The following NSMCE2 variants were observed in gnomAD, a reference collection of about 807,000 sequenced individuals.
The protein encoded by NSMCE2 is E3 SUMO-protein ligase NSE2.
Under a neutral mutation model 23.8 loss-of-function variants are expected in NSMCE2, and 24 were observed. The ratio of observed to expected loss-of-function variants is 1.01; its 90% CI spans 0.73 to 1.42. The LOEUF (loss-of-function observed/expected upper bound fraction) is 1.42. Ranked by LOEUF, NSMCE2 falls within the 40% of genes most tolerant of loss-of-function variation. The probability of loss-of-function intolerance (pLI) is 0.00; values close to 1 mark genes in which losing one functional copy is unlikely to be tolerated. For missense variants in NSMCE2, 284 were observed against 296.5 expected, an observed-to-expected ratio of 0.96 and a Z score of 0.31; for synonymous variants, 92 against 94.1, an observed-to-expected ratio of 0.98 and a Z score of 0.13.
At chr8:125,297,499 C>A (rs1266212193) in intron 5 of NSMCE2, among the ~76,000 whole-genome samples, 1 of 152,150 alleles carries the variant, frequency 6.6e-6, no homozygotes, top group Non-Finnish European at 1.5e-5. Flanking sequence ...TGCTTCTCCA[C>A]ATTAGCTCTT....
chr8:125,294,146 T>C (rs545132086), intron 5 of NSMCE2, among the ~76,000 whole-genome samples: 43 of 152,348 alleles, frequency 2.8e-4, no homozygotes, highest in African/African-American at 9.6e-4. Context: ...ATTTCATTCC[T>C]TTCTAGTGCT....
At chr8:125,228,526 A>T (rs13251643) in intron 5 of NSMCE2, among the ~76,000 whole-genome samples, 4,403 of 152,348 alleles carry the variant, frequency 0.029, 110 homozygotes, top group Non-Finnish European at 0.047. Flanking sequence ...GACTTCCTGG[A>T]AGAGCTGACA....
chr8:125,109,978 T>G lies in NSMCE2; in HGVS notation c.157+7491T>G, dbSNP rs571996304. 1.2e-4 allele frequency among the ~76,000 whole-genome samples: 18 copies of G among 152,312 alleles called. No individual in the cohort carries two copies. In the South Asian group the frequency reaches 3.5e-3, roughly 30 times the overall value. On this transcript the variant is annotated intron_variant, in intron 3 of 7. Coordinates refer to ENST00000287437, the MANE Select transcript of NSMCE2 (RefSeq NM_173685.4). ...GGTTTTTGAGTTTATTATGTACTTT[T>G]CTGCCATCTTACACAGAATATACTG... is the stretch of plus-strand genomic sequence containing the variant.
chr8:125,181,155 G>A (rs1822786239), intron 4 of NSMCE2, among the ~76,000 whole-genome samples: 1 of 152,058 alleles, frequency 6.6e-6, no homozygotes, highest in Non-Finnish European at 1.5e-5. Context: ...GACTATAGTG[G>A]CTAAAGCTGG....
At chr8:125,282,054 G>A (rs1373127316) in intron 5 of NSMCE2, among the ~76,000 whole-genome samples, 2 of 152,020 alleles carry the variant, frequency 1.3e-5, no homozygotes, top group Non-Finnish European at 2.9e-5. Flanking sequence ...CCTGTGTAGT[G>A]TTGCATCTTC....
intron 3 of NSMCE2, among the ~76,000 whole-genome samples, 180 bp from the exon 4 acceptor site, chr8:125,150,991 G>T (rs1820984359): frequency 6.6e-6 from 1 of 151,950 alleles, no homozygotes; most frequent in African/African-American, 2.4e-5. Flanking sequence ...GCATCATATG[G>T]TGAGGAGGTT....
intron 5 of NSMCE2, among the ~76,000 whole-genome samples, chr8:125,246,784 AT>A (rs1405524750): frequency 6.6e-6 from 1 of 152,192 alleles, no homozygotes; most frequent in Admixed American, 6.5e-5. Flanking sequence ...TAAAAACATT[AT>A]GTACAAGTCT....
chr8:125,139,973 A>G (rs368603534), intron 3 of NSMCE2, among the ~76,000 whole-genome samples: 20 of 152,288 alleles, frequency 1.3e-4, no homozygotes, highest in African/African-American at 4.8e-4. Context: ...TGCTGTTTCT[A>G]TAAGTATTTG....
At chr8:125,096,152 T>A (rs1817919449) in intron 1 of NSMCE2, among the ~76,000 whole-genome samples, 1 of 152,198 alleles carries the variant, frequency 6.6e-6, no homozygotes, top group Non-Finnish European at 1.5e-5. Flanking sequence ...TATGCTTGCC[T>A]GCATCAAGCT....
intron 3 of NSMCE2, among the ~76,000 whole-genome samples, chr8:125,115,742 TAATA>T (rs749897949): frequency 6.6e-6 from 1 of 152,022 alleles, no homozygotes; most frequent in African/African-American, 2.4e-5. Flanking sequence ...AAAAAAATAA[TAATA>T]AATAAATAAA....
chr8:125,285,896 T>C (rs965981105), intron 5 of NSMCE2, among the ~76,000 whole-genome samples: 1 of 152,088 alleles, frequency 6.6e-6, no homozygotes, highest in African/African-American at 2.4e-5. Context: ...CAAGGTCACA[T>C]GTATGTCTCA....
intron 5 of NSMCE2, among the ~76,000 whole-genome samples, chr8:125,241,455 G>A (rs1825761342): frequency 6.6e-6 from 1 of 152,208 alleles, no homozygotes; most frequent in African/African-American, 2.4e-5. Context: ...CAGCCTTAGG[G>A]CATCAAGAAA....
chr8:125,341,917 A>C (rs1447242194), intron 5 of NSMCE2, among the ~76,000 whole-genome samples: 3 of 151,696 alleles, frequency 2.0e-5, no homozygotes, highest in East Asian at 1.9e-4. Context: ...AAAAAAAAAA[A>C]AAAAACCTGT....
chr8:125,162,194 G>T (rs117322553), intron 4 of NSMCE2, among the ~76,000 whole-genome samples: 1 of 152,136 alleles, frequency 6.6e-6, no homozygotes, highest in East Asian at 1.9e-4. Flanking sequence ...TTGAAAAGCT[G>T]CAGCAATACT....
chr8:125,151,748 C>T (rs979821530), intron 4 of NSMCE2, among the ~76,000 whole-genome samples: 2 of 152,112 alleles, frequency 1.3e-5, no homozygotes, highest in African/African-American at 4.8e-5. Flanking sequence ...TTTGGTTTTT[C>T]CAGAAGCCAA....
intron 4 of NSMCE2, among the ~76,000 whole-genome samples, chr8:125,151,733 G>A (rs73704543): frequency 3.3e-5 from 5 of 152,084 alleles, no homozygotes; most frequent in South Asian, 2.1e-4. Flanking sequence ...AAAGAAGATC[G>A]GTATTTTGGT....
chr8:125,113,014 CAATT>C (rs557735639), intron 3 of NSMCE2, among the ~76,000 whole-genome samples: 35 of 128,204 alleles, frequency 2.7e-4, no homozygotes, highest in African/African-American at 1.0e-3. Context: ...TAATTTTTGT[CAATT>C]AAAAATAAAT....
chr8:125,151,982 A>G (rs1821057754), intron 4 of NSMCE2, among the ~76,000 whole-genome samples: 1 of 152,132 alleles, frequency 6.6e-6, no homozygotes, highest in Admixed American at 6.5e-5. Flanking sequence ...TGGTTTCGTT[A>G]TTTGCCTTTT....
chr8:125,210,109 C>T (rs1048244590), intron 5 of NSMCE2, among the ~76,000 whole-genome samples: 3 of 152,144 alleles, frequency 2.0e-5, no homozygotes, highest in Non-Finnish European at 4.4e-5. Flanking sequence ...CTCTGTAACC[C>T]GGGATAAGTT....
Sources: allele counts gnomAD v4.1 joint callset (sites outside exome capture counted in the v4.1 genomes callset), GRCh38; gene constraint gnomAD v4.1.1; transcripts MANE v1.5; gene names NCBI Gene and HGNC (gene_info 2026-07-23, HGNC 2026-07-21).